RGS5: variants seen among roughly 807,000 people sequenced by gnomAD.
The protein encoded by RGS5 is regulator of G protein signaling 5.
A neutral mutation model predicts 18.9 loss-of-function variants in RGS5; 20 were observed. That is an observed-to-expected ratio of 1.06 (90% CI 0.74 to 1.54). RGS5 has a LOEUF of 1.54. RGS5 is among the 40% of genes most tolerant of loss of function. The probability of loss-of-function intolerance (pLI) is 0.00; values close to 1 mark genes in which losing one functional copy is unlikely to be tolerated. For missense variants in RGS5, 201 were observed against 211.8 expected, an observed-to-expected ratio of 0.95 and a Z score of 0.32; for synonymous variants, 57 against 76.2, an observed-to-expected ratio of 0.75 and a Z score of 1.31.
chr1:163,168,232 G>A (rs1324056753), intron 2 of RGS5, 26 bp downstream of exon 2: 8 of 1,526,366 alleles, frequency 5.2e-6, no homozygotes, highest in Admixed American at 1.7e-5. Flanking sequence ...TGGAGGAAAT[G>A]AGTGGAATCC....
chr1:163,171,974 G>C (rs1324770372), intron 1 of RGS5, among the ~76,000 whole-genome samples: 1 of 152,298 alleles, frequency 6.6e-6, no homozygotes, highest in Middle Eastern at 3.4e-3. Flanking sequence ...CTTCTCAGAG[G>C]AGGCAAATGT....
At chr1:163,172,282 C>T (rs892419412) in intron 1 of RGS5, among the ~76,000 whole-genome samples, 16 of 152,188 alleles carry the variant, frequency 1.1e-4, no homozygotes, top group Admixed American at 3.3e-4. Flanking sequence ...TATTTAAAGA[C>T]GTGGCATCCT....
chr1:163,164,522 C>A (rs1275799844), intron 2 of RGS5, among the ~76,000 whole-genome samples: 1 of 152,216 alleles, frequency 6.6e-6, no homozygotes, highest in African/African-American at 2.4e-5. Context: ...TCTCACATGA[C>A]AATGAGGCAC....
At chr1:163,187,577 A>G (rs1415080713) in intron 1 of RGS5, among the ~76,000 whole-genome samples, 1 of 152,068 alleles carries the variant, frequency 6.6e-6, no homozygotes, top group Non-Finnish European at 1.5e-5. Context: ...GGCAGAAGAA[A>G]CGCTTCCATA....
intron 2 of RGS5, among the ~76,000 whole-genome samples, chr1:163,271,919 G>C (rs1346882450): frequency 6.6e-6 from 1 of 152,114 alleles, no homozygotes; most frequent in Admixed American, 6.6e-5. Context: ...AGCAATGAAT[G>C]AGAGTTCCAT....
At chr1:163,200,189 T>C (rs1479886254) in intron 1 of RGS5, among the ~76,000 whole-genome samples, 1 of 152,084 alleles carries the variant, frequency 6.6e-6, no homozygotes, top group African/African-American at 2.4e-5. Context: ...AATGACAAAA[T>C]TGAGTCTGCA....
chr1:163,163,042 G>GGC (rs1657876078), intron 2 of RGS5, among the ~76,000 whole-genome samples: 1 of 60,308 alleles, frequency 1.7e-5, no homozygotes, highest in African/African-American at 4.3e-5. Context: ...GATATTTCGG[G>GGC]GGGGGGGGTG....
upstream of RGS5, among the ~76,000 whole-genome samples, chr1:163,204,900 G>A (rs1015081197): frequency 5.3e-5 from 8 of 152,108 alleles, no homozygotes; most frequent in African/African-American, 1.9e-4. Flanking sequence ...AGCAATGGAG[G>A]GTGATGTCTT....
At chr1:163,170,846 T>TTCC (rs1658267553) in intron 1 of RGS5, among the ~76,000 whole-genome samples, 1 of 152,208 alleles carries the variant, frequency 6.6e-6, no homozygotes, top group South Asian at 2.1e-4. Context: ...AGGGAGCTTA[T>TTCC]ATAACATTGT....
chr1:163,283,946 C>G (rs1416094096), intron 2 of RGS5, among the ~76,000 whole-genome samples: 3 of 152,064 alleles, frequency 2.0e-5, no homozygotes, highest in Admixed American at 6.6e-5. Flanking sequence ...TCTTTGAGAC[C>G]CTAAACAGAA....
At chr1:163,295,911 C>CA (rs1019823976) in intron 2 of RGS5, among the ~76,000 whole-genome samples, 1 of 151,464 alleles carries the variant, frequency 6.6e-6, no homozygotes, top group African/African-American at 2.4e-5. Context: ...AAGTATCAAT[C>CA]TTTTTTTTTC....
chr1:163,148,234 C>T lies in RGS5; in HGVS notation c.385-731G>A, dbSNP rs558836865. Among the ~76,000 whole-genome samples, 129 of 152,114 alleles carry T rather than the reference C, an allele frequency of 8.5e-4. 2 individuals carry two copies. Among genetic ancestry groups the T allele is most frequent in the African/African-American group, 3.0e-3 (124 of 41,508 alleles). ...GAGCCACCGCGTCCGGCCCTGGTGC[C>T]TAATTTTAAAATTCTAACACAACAT... On this transcript the variant is annotated intron_variant, in intron 4 of 4. Coordinates refer to ENST00000313961, the MANE Select transcript of RGS5 (RefSeq NM_003617.4).
intron 2 of RGS5, among the ~76,000 whole-genome samples, chr1:163,258,509 T>G (rs1376993618): frequency 6.6e-6 from 1 of 152,202 alleles, no homozygotes; most frequent in East Asian, 1.9e-4. Context: ...AAAAAAAATC[T>G]GCTAAAAAGT....
At chr1:163,268,668 A>G (rs1648635173) in intron 2 of RGS5, among the ~76,000 whole-genome samples, 4 of 152,054 alleles carry the variant, frequency 2.6e-5, no homozygotes, top group African/African-American at 9.7e-5. Flanking sequence ...AGGCACCACT[A>G]CTACAGCCCA....
intron 1 of RGS5, among the ~76,000 whole-genome samples, chr1:163,189,122 C>T (rs896447507): frequency 3.3e-5 from 5 of 152,116 alleles, no homozygotes; most frequent in Non-Finnish European, 4.4e-5. Flanking sequence ...AGGTTATTCA[C>T]TCACTGAATA....
At chr1:163,177,236 A>T (rs1042644837) in intron 1 of RGS5, among the ~76,000 whole-genome samples, 1 of 152,186 alleles carries the variant, frequency 6.6e-6, no homozygotes, top group African/African-American at 2.4e-5. Context: ...CTGTGGCTTG[A>T]TTCCCACAAA....
intron 2 of RGS5, among the ~76,000 whole-genome samples, chr1:163,253,053 G>C (rs926363291): frequency 1.3e-5 from 2 of 152,180 alleles, no homozygotes; most frequent in Non-Finnish European, 2.9e-5. Flanking sequence ...CAATAGGTAT[G>C]ATTTGAGCAC....
intron 2 of RGS5, among the ~76,000 whole-genome samples, chr1:163,228,940 C>G (rs1483260493): frequency 6.6e-6 from 1 of 152,210 alleles, no homozygotes; most frequent in Non-Finnish European, 1.5e-5. Flanking sequence ...GTCCACATCA[C>G]TATCAGCATT....
intron 1 of RGS5, 149 bp from the exon 2 acceptor site, chr1:163,168,517 A>C (rs1658159042): frequency 6.4e-6 from 4 of 626,828 alleles, no homozygotes; most frequent in East Asian, 2.6e-5. Flanking sequence ...CTAATGCAGA[A>C]ATTAGGATAT....
Sources: gnomAD v4.1 joint callset for allele counts (sites outside exome capture counted in the v4.1 genomes callset) on GRCh38, gnomAD v4.1.1 for gene constraint, MANE v1.5 for transcripts, NCBI Gene and HGNC (gene_info 2026-07-23, HGNC 2026-07-21) for gene names.